DLGAP2: variants seen among roughly 807,000 people sequenced by gnomAD.
DLGAP2 encodes the protein DLG associated protein 2.
Under a neutral mutation model 100.3 loss-of-function variants are expected in DLGAP2, and 26 were observed. The ratio of observed to expected loss-of-function variants is 0.26; its 90% CI spans 0.19 to 0.36. The LOEUF (loss-of-function observed/expected upper bound fraction) is 0.36. Ranked by LOEUF, DLGAP2 falls within the 10% of genes least tolerant of loss-of-function variation. DLGAP2 has a pLI of 1.00. For synonymous variants in DLGAP2, 886 were observed against 630.1 expected, an observed-to-expected ratio of 1.41 and a Z score of -6.08; for missense variants, 1,858 against 1,453.2, an observed-to-expected ratio of 1.28 and a Z score of -4.53.
chr8:1,438,599 T>C (rs1797723639), intron 3 of DLGAP2, among the ~76,000 whole-genome samples: 1 of 152,076 alleles, frequency 6.6e-6, no homozygotes, highest in African/African-American at 2.4e-5. Context: ...AAACTAGCAG[T>C]GAGGAAAGAA....
At chr8:1,321,338 C>G (rs1324527770) in intron 3 of DLGAP2, among the ~76,000 whole-genome samples, 2 of 151,400 alleles carry the variant, frequency 1.3e-5, no homozygotes, top group African/African-American at 2.4e-5. Flanking sequence ...GTCTGTGTGT[C>G]TCTGCATGTG....
chr8:1,581,122 C>T (rs1372797991), intron 6 of DLGAP2, among the ~76,000 whole-genome samples: 1 of 151,304 alleles, frequency 6.6e-6, no homozygotes, highest in Non-Finnish European at 1.5e-5. Flanking sequence ...ACAGACAAAA[C>T]ACCACACATC....
chr8:788,575 C>G (rs1203884193), intron 1 of DLGAP2, among the ~76,000 whole-genome samples: 2 of 152,130 alleles, frequency 1.3e-5, no homozygotes, highest in Non-Finnish European at 2.9e-5. Flanking sequence ...ATAACCTACA[C>G]CTTTGATAAC....
intron 2 of DLGAP2, among the ~76,000 whole-genome samples, chr8:912,067 C>G (rs972203754): frequency 1.3e-5 from 2 of 152,192 alleles, no homozygotes; most frequent in African/African-American, 2.4e-5. Context: ...CCTCACACAG[C>G]CTTTATCCTG....
chr8:1,152,748 A>G lies in DLGAP2; in HGVS notation c.74-106103A>G, dbSNP rs565741412. On this transcript the variant is annotated intron_variant, in intron 2 of 14. Transcript: ENST00000637795. ...GCTTGCTTAGAATCAGCTTCCTCCC[A>G]GATGCTGAAGCTAACGGCTATGTCT... Among the ~76,000 whole-genome samples the G allele has an allele frequency of 5.0e-4, 76 of 152,354 alleles. 1 individual carries two copies. Among genetic ancestry groups the G allele is most frequent in the Non-Finnish European group, 8.5e-4 (58 of 68,036 alleles).
At chr8:824,037 CTTCTTCTTT>C (rs1796639102) in intron 1 of DLGAP2, among the ~76,000 whole-genome samples, 3 of 82,142 alleles carry the variant, frequency 3.7e-5, no homozygotes, top group African/African-American at 2.1e-4. Flanking sequence ...TCTTTTTTTT[CTTCTTCTTT>C]TTTTTCTTCT....
chr8:880,490 G>A (rs897528967), intron 1 of DLGAP2, among the ~76,000 whole-genome samples: 1 of 151,752 alleles, frequency 6.6e-6, no homozygotes, highest in Non-Finnish European at 1.5e-5. Flanking sequence ...GTGCTGGGGA[G>A]ACTTTGTAGG....
chr8:956,610 A>G (rs1206679438), intron 2 of DLGAP2, among the ~76,000 whole-genome samples: 1 of 152,206 alleles, frequency 6.6e-6, no homozygotes, highest in Non-Finnish European at 1.5e-5. Context: ...CTGAAACCTG[A>G]TATTTTAGAC....
chr8:989,960 G>A lies in DLGAP2; in HGVS notation c.73+81994G>A, dbSNP rs572268144. Among the ~76,000 whole-genome samples, 17 of 152,174 alleles carry A rather than the reference G, an allele frequency of 1.1e-4. No individual in the cohort carries two copies. The East Asian group carries it at 1.5e-3, about 14-fold the overall frequency. ...AATGTCGCTGTTGGGTGTTGGGTTC[G>A]ATGAGCTCTGAGGAACGTATTCCTC... is the stretch of plus-strand genomic sequence containing the variant. On this transcript the variant is annotated intron_variant, in intron 2 of 14. Transcript: ENST00000637795.
intron 2 of DLGAP2, among the ~76,000 whole-genome samples, chr8:910,013 G>A (rs556653172): frequency 9.2e-5 from 14 of 152,262 alleles, no homozygotes; most frequent in Non-Finnish European, 1.5e-4. Context: ...AAGAGTTTTC[G>A]CAGTTTCTCA....
chr8:1,000,384 C>G (rs190240933), intron 2 of DLGAP2, among the ~76,000 whole-genome samples: 5 of 150,994 alleles, frequency 3.3e-5, no homozygotes, highest in Admixed American at 2.6e-4. Flanking sequence ...GCGGAAAGAT[C>G]TGGGTTGGGG....
chr8:1,507,711 T>C (rs2130354945), intron 4 of DLGAP2, among the ~76,000 whole-genome samples: 1 of 147,840 alleles, frequency 6.8e-6, no homozygotes, highest in African/African-American at 2.6e-5. Context: ...AAGGTAGCAG[T>C]CCACCCTCCT....
At chr8:884,490 T>C (rs115705868) in intron 1 of DLGAP2, among the ~76,000 whole-genome samples, 2,798 of 152,188 alleles carry the variant, frequency 0.018, 82 homozygotes, top group African/African-American at 0.063. Context: ...GTTTTTTTTT[T>C]CCTGTAAATA....
chr8:1,172,098 G>A (rs1797141128), intron 2 of DLGAP2, among the ~76,000 whole-genome samples: 1 of 151,800 alleles, frequency 6.6e-6, no homozygotes, highest in African/African-American at 2.4e-5. Context: ...AAATCTCTCA[G>A]CATTTGCTTG....
chr8:1,339,879 G>T (rs1801379532), intron 3 of DLGAP2, among the ~76,000 whole-genome samples: 1 of 152,162 alleles, frequency 6.6e-6, no homozygotes, highest in Non-Finnish European at 1.5e-5. Flanking sequence ...TTTTATCTCT[G>T]GGATCCTGTG....
At chr8:919,213 T>C (rs1448853023) in intron 2 of DLGAP2, among the ~76,000 whole-genome samples, 1 of 152,168 alleles carries the variant, frequency 6.6e-6, no homozygotes, top group African/African-American at 2.4e-5. Context: ...ACTGGTTTAA[T>C]GTATTAGGAA....
At position 1,050,000 on chromosome 8, in the gene DLGAP2, G is replaced by A. The variant is rs576421338; in HGVS notation, c.73+142034G>A. On this transcript the variant is annotated intron_variant, in intron 2 of 14. Coordinates refer to ENST00000637795, the MANE Select transcript of DLGAP2 (RefSeq NM_001346810.2). ...TACGTGTATGCACATGCACAGGCAG[G>A]CACATGCATATGTACACACATGCGG... 1.2e-4 allele frequency among the ~76,000 whole-genome samples: 19 copies of A among 152,046 alleles called. No homozygotes were observed. In the South Asian group the frequency reaches 3.5e-3, roughly 28 times the overall value.
At chr8:1,223,010 C>G (rs1388960674) in intron 2 of DLGAP2, among the ~76,000 whole-genome samples, 1 of 152,172 alleles carries the variant, frequency 6.6e-6, no homozygotes, top group Non-Finnish European at 1.5e-5. Context: ...CGTTCCCACA[C>G]CAAATCTTCT....
intron 3 of DLGAP2, among the ~76,000 whole-genome samples, chr8:1,289,051 G>A (rs1334875052): frequency 1.3e-5 from 2 of 152,312 alleles, no homozygotes; most frequent in South Asian, 2.1e-4. Context: ...GACATTGGCA[G>A]ATAGAGCCGG....
Sources: allele counts gnomAD v4.1 joint callset (sites outside exome capture counted in the v4.1 genomes callset), GRCh38; gene constraint gnomAD v4.1.1; transcripts MANE v1.5; gene names NCBI Gene and HGNC (gene_info 2026-07-23, HGNC 2026-07-21).